The following ZMAT5 variants were observed in gnomAD, a reference collection of about 807,000 sequenced individuals.
ZMAT5 encodes the protein zinc finger matrin-type protein 5.
ZMAT5 carries 23 observed loss-of-function variants against 28.0 expected under a neutral mutation model. That is an observed-to-expected ratio of 0.82 (90% confidence interval 0.59 to 1.16). The LOEUF is 1.16. Among genes scored for constraint, ZMAT5 ranks in the 50% most tolerant of loss-of-function variants. The probability of loss-of-function intolerance (pLI) is 0.00; values close to 1 mark genes in which losing one functional copy is unlikely to be tolerated. For missense variants in ZMAT5, 173 were observed against 212.7 expected, an observed-to-expected ratio of 0.81 and a Z score of 1.16; for synonymous variants, 76 against 84.1, an observed-to-expected ratio of 0.90 and a Z score of 0.52.
chr22:29,752,551 C>G (rs1003126660), intron 1 of ZMAT5, among the ~76,000 whole-genome samples: 4 of 152,178 alleles, frequency 2.6e-5, no homozygotes, highest in Non-Finnish European at 5.9e-5. Flanking sequence ...ACATTCCAGT[C>G]CCAGCTCTGC....
chr22:29,733,607 C>T (rs1264228967), intron 5 of ZMAT5, among the ~76,000 whole-genome samples: 3 of 152,292 alleles, frequency 2.0e-5, no homozygotes, highest in South Asian at 4.1e-4. Flanking sequence ...GCAGAGAAGG[C>T]GGGGAGGCTC....
intron 1 of ZMAT5, among the ~76,000 whole-genome samples, chr22:29,754,590 G>A (rs2068082546): frequency 6.6e-6 from 1 of 152,234 alleles, no homozygotes; most frequent in African/African-American, 2.4e-5. Context: ...GTGCCTAGTA[G>A]CCAGCTGCAA....
intron 3 of ZMAT5, among the ~76,000 whole-genome samples, chr22:29,742,033 ATCCTGAACT>A (rs757512326): frequency 2.2e-4 from 33 of 152,226 alleles, no homozygotes; most frequent in Middle Eastern, 6.8e-3. Context: ...CTTGGTTCTG[ATCCTGAACT>A]TCCTCAGATC....
intron 2 of ZMAT5, chr22:29,746,411 A>C (rs1601722342): frequency 1.3e-5 from 2 of 152,194 alleles, no homozygotes; most frequent in African/African-American, 4.8e-5. Flanking sequence ...AAACCTCCCA[A>C]AGTGCTGGGA....
At position 29,731,204 on chromosome 22, in the gene ZMAT5, G is replaced by A; in HGVS notation, c.*21C>T. On this transcript the variant is annotated 3_prime_UTR_variant, in exon 6 of 6. Transcript: ENST00000344318. ...CTGATGAGAAAAGTGACCACGTGGG[G>A]GTCAGTCGGGGGCAAGGGGCTCAGC... is the stretch of plus-strand genomic sequence containing the variant. 2 of 1,477,662 alleles carry A rather than the reference G, an allele frequency of 1.4e-6. No homozygotes were observed. Among genetic ancestry groups the A allele is most frequent in the Non-Finnish European group, 1.8e-6 (2 of 1,122,764 alleles). 91.5% of individuals were successfully genotyped at this position (1,477,662 alleles called of 1,614,324 possible).
chr22:29,750,405 C>T (rs1208844520), intron 1 of ZMAT5, among the ~76,000 whole-genome samples: 1 of 152,190 alleles, frequency 6.6e-6, no homozygotes, highest in African/African-American at 2.4e-5. Flanking sequence ...GGTCCGAATC[C>T]AGTCACAGAG....
Position 29,731,133 on chromosome 22 carries a change from G to A in ZMAT5, c.*92C>T. 2 of 1,347,140 alleles carry A rather than the reference G, an allele frequency of 1.5e-6. No homozygotes were observed. The highest frequency in any genetic ancestry group is 2.0e-6 in the Non-Finnish European group (2 of 1,025,238). The allele number at this position is 1,347,140 out of a possible 1,614,324, so 83.4% of individuals were successfully genotyped here. A position where few individuals can be genotyped will look rare whatever the true frequency, so the allele number is the denominator to read the frequency against. On this transcript the variant is annotated 3_prime_UTR_variant, in exon 6 of 6. Transcript: ENST00000344318. ...GTGAGGCTGGGCAGATGGTCTCGGA[G>A]CCTCCATGGGGCGTAGCAGGAACCG... is the stretch of plus-strand genomic sequence containing the variant.
rs529259296 is a variant in ZMAT5, at chr22:29,757,332, A to G, written c.-27-8761T>C. Among the ~76,000 whole-genome samples, 189 of 152,158 alleles carry G rather than the reference A, an allele frequency of 1.2e-3. 1 individual carries two copies. Among genetic ancestry groups the G allele is most frequent in the African/African-American group, 4.5e-3 (185 of 41,536 alleles). On this transcript the variant is annotated intron_variant, in intron 1 of 5. Coordinates refer to ENST00000344318, the MANE Select transcript of ZMAT5 (RefSeq NM_001003692.2). Reference sequence around the variant, plus strand: ...GGTGAGAGCATGCTCAAGGTCACACAGAACAATCCTTTGAAGCTGTTTTCC... The same window carrying G: ...GGTGAGAGCATGCTCAAGGTCACACGGAACAATCCTTTGAAGCTGTTTTCC...
chr22:29,737,745 C>T (rs1458556703), intron 5 of ZMAT5, among the ~76,000 whole-genome samples: 2 of 152,080 alleles, frequency 1.3e-5, no homozygotes, highest in African/African-American at 4.8e-5. Context: ...ACCCGAGGCC[C>T]TTCCCTCAAA....
At chr22:29,749,088 AT>A (rs1340451496) in intron 1 of ZMAT5, among the ~76,000 whole-genome samples, 2 of 148,938 alleles carry the variant, frequency 1.3e-5, no homozygotes, top group Non-Finnish European at 3.0e-5. Context: ...ATAGGGTTTT[AT>A]TTTTTTGAGA....
chr22:29,734,537 C>T (rs1386667029), intron 5 of ZMAT5, among the ~76,000 whole-genome samples: 1 of 152,244 alleles, frequency 6.6e-6, no homozygotes, highest in Non-Finnish European at 1.5e-5. Context: ...CTCATTCATG[C>T]AGTAAACCTG....
At chr22:29,750,007 G>C (rs965150751) in intron 1 of ZMAT5, among the ~76,000 whole-genome samples, 1 of 152,108 alleles carries the variant, frequency 6.6e-6, no homozygotes, top group Non-Finnish European at 1.5e-5. Context: ...ATGTGAGAAC[G>C]GACTAATACA....
chr22:29,763,726 C>T (rs2068181749), intron 1 of ZMAT5, among the ~76,000 whole-genome samples: 1 of 152,088 alleles, frequency 6.6e-6, no homozygotes, highest in Admixed American at 6.5e-5. Flanking sequence ...AATTTGAGAC[C>T]AGCCTGGCCA....
At chr22:29,763,320 A>AAATAAATAAATAAATAAATG in intron 1 of ZMAT5, among the ~76,000 whole-genome samples, 1 of 145,426 alleles carries the variant, frequency 6.9e-6, no homozygotes, top group South Asian at 2.3e-4. Context: ...ATAAATAAAT[A>AAATAAATAAATAAATAAATG]AGGCCAGGTG....
At chr22:29,755,368 G>GGGA (rs1569340083) in intron 1 of ZMAT5, among the ~76,000 whole-genome samples, 1 of 59,302 alleles carries the variant, frequency 1.7e-5, no homozygotes, top group Non-Finnish European at 2.9e-5. Context: ...GGAGGGAGGG[G>GGGA]GAGAGAGAGA....
At chr22:29,733,940 C>T (rs1440809888) in intron 5 of ZMAT5, among the ~76,000 whole-genome samples, 1 of 152,228 alleles carries the variant, frequency 6.6e-6, no homozygotes, top group East Asian at 1.9e-4. Context: ...GTGTCTGGCA[C>T]AACTCTGCTC....
At chr22:29,760,192 T>C (rs1424382965) in intron 1 of ZMAT5, among the ~76,000 whole-genome samples, 3 of 142,020 alleles carry the variant, frequency 2.1e-5, no homozygotes, top group South Asian at 4.5e-4. Flanking sequence ...CAGAGCGAGA[T>C]TCCGTCTCAA....
chr22:29,742,378 C>T (rs751402087), intron 3 of ZMAT5, 40 bp downstream of exon 3: 1 of 1,603,230 alleles, frequency 6.2e-7, no homozygotes, highest in South Asian at 1.1e-5. Flanking sequence ...CTGGATATCG[C>T]AGGTCCCCGC....
rs777325765 is a variant in ZMAT5 at position 29,731,234 on chromosome 22, C to G, written c.504G>C (p.Gln168His). The G allele has an allele frequency of 1.5e-5, 22 of 1,503,864 alleles. No homozygotes were observed. Among genetic ancestry groups the G allele is most frequent in the Non-Finnish European group, 1.8e-5 (21 of 1,139,128 alleles). 93.2% of individuals were successfully genotyped at this position (1,503,864 alleles called of 1,614,324 possible). ...GTCGGGGGCAAGGGGCTCAGCCCCA[C>G]TGGACTCTGGGCTGCAGAGGCCACC... is the stretch of plus-strand genomic sequence containing the variant. Reference protein sequence around the residue: ...PGGWPLQPRVQWG With the variant: ...PGGWPLQPRVHWG Residue 168 changes from glutamine to histidine, a missense_variant, in exon 6 of 6, where the codon CAG becomes CAC. Transcript: ENST00000344318.
Sources: gnomAD v4.1 joint callset for allele counts (sites outside exome capture counted in the v4.1 genomes callset) on GRCh38, gnomAD v4.1.1 for gene constraint, MANE v1.5 for transcripts, NCBI Gene and HGNC (gene_info 2026-07-23, HGNC 2026-07-21) for gene names.